The following MAX variants were observed in gnomAD, a reference collection of about 807,000 sequenced individuals.
The protein encoded by MAX is protein max.
Under a neutral mutation model 22.3 loss-of-function variants are expected in MAX, and 3 were observed. That is an observed-to-expected ratio of 0.13 (90% CI 0.06 to 0.35). The LOEUF (loss-of-function observed/expected upper bound fraction) is 0.35, where lower values mean the gene tolerates loss of function less well. Ranked by LOEUF, MAX falls within the 10% of genes least tolerant of loss-of-function variation. The pLI, the probability that MAX is intolerant of heterozygous loss-of-function variation, is 1.00. For missense variants in MAX, 119 were observed against 209.4 expected, an observed-to-expected ratio of 0.57 and a Z score of 2.66; for synonymous variants, 72 against 77.7, an observed-to-expected ratio of 0.93 and a Z score of 0.39.
intron 2 of MAX, among the ~76,000 whole-genome samples, chr14:65,095,603 A>C (rs1323532597): frequency 2.0e-5 from 3 of 152,136 alleles, no homozygotes; most frequent in Non-Finnish European, 4.4e-5. Flanking sequence ...ATACCTAAGG[A>C]GCTTAAAGGC....
chr14:65,074,330 T>C (rs1224207759), downstream of MAX, among the ~76,000 whole-genome samples: 3 of 152,242 alleles, frequency 2.0e-5, no homozygotes, highest in African/African-American at 7.2e-5. Context: ...CCAGCATTTT[T>C]CTTTTCCTTA....
chr14:65,010,429 C>G (rs2061665285), intron 3 of MAX, among the ~76,000 whole-genome samples: 1 of 152,220 alleles, frequency 6.6e-6, no homozygotes, highest in South Asian at 2.1e-4. Flanking sequence ...TTGACATCAT[C>G]ACCTGAATGC....
intron 3 of MAX, among the ~76,000 whole-genome samples, chr14:65,052,319 A>G (rs2062634914): frequency 6.6e-6 from 1 of 152,206 alleles, no homozygotes; most frequent in Non-Finnish European, 1.5e-5. Context: ...ATAGAACCAA[A>G]AAGACTGGAA....
At chr14:65,060,573 G>T (rs1322391821) in intron 3 of MAX, among the ~76,000 whole-genome samples, 2 of 125,940 alleles carry the variant, frequency 1.6e-5, no homozygotes, top group East Asian at 2.3e-4. Flanking sequence ...GCGGGCGCCT[G>T]TAGTCCCAGC....
intron 3 of MAX, among the ~76,000 whole-genome samples, chr14:65,068,328 G>A (rs2062952066): frequency 6.6e-6 from 1 of 152,140 alleles, no homozygotes; most frequent in African/African-American, 2.4e-5. Context: ...TCAGCTACTC[G>A]AGAAGCTGAG....
At position 65,077,590 on chromosome 14, in the gene MAX, A is replaced by G; in HGVS notation, c.295+323T>C. ...AGCACATTCCACTCCAAGGACCTCA[A>G]AGCTCTTTTCAGACACCTGATGCCA... is the stretch of plus-strand genomic sequence containing the variant. On this transcript the variant is annotated intron_variant, in intron 4 of 4. Transcript: ENST00000358664. This position sits in a 1 kb window ranked among gnomAD's most constrained non-coding sequence, Gnocchi z 6.3. The G allele has an allele frequency of 1.0e-6, 1 of 988,448 alleles. No homozygotes were observed. The highest frequency in any genetic ancestry group is 2.5e-5 in the East Asian group (1 of 39,952). 61.2% of individuals were successfully genotyped at this position (988,448 alleles called of 1,614,324 possible).
intron 3 of MAX, among the ~76,000 whole-genome samples, chr14:65,049,319 C>T (rs1354098728): frequency 1.3e-5 from 2 of 152,160 alleles, no homozygotes; most frequent in Non-Finnish European, 2.9e-5. Context: ...AATTGAGCTA[C>T]AGATGGCTGC....
chr14:65,092,464 C>T (rs1279931525), intron 3 of MAX, among the ~76,000 whole-genome samples: 9 of 152,176 alleles, frequency 5.9e-5, no homozygotes, highest in African/African-American at 1.9e-4. Flanking sequence ...TTTACTTTGA[C>T]TAAAGGGGTG....
Position 65,075,324 on chromosome 14 carries a change from C to T in MAX, c.*1152G>A, listed in dbSNP as rs144346635. 7 of 1,062,746 alleles carry T rather than the reference C, an allele frequency of 6.6e-6. No individual in the cohort carries two copies. The African/African-American group carries it at 9.8e-5, about 15-fold the overall frequency. 65.8% of individuals were successfully genotyped at this position (1,062,746 alleles called of 1,614,324 possible). On this transcript the variant is annotated 3_prime_UTR_variant, in exon 5 of 5. Transcript: ENST00000358664. This position sits in a 1 kb window ranked among gnomAD's most constrained non-coding sequence, Gnocchi z 4.1. ...TAGGAAAAAGACAAAGAAATGAGGC[C>T]TAAACACACAAAACCCTTCACTGGC...
chr14:65,089,175 T>C (rs1316241693), intron 3 of MAX, among the ~76,000 whole-genome samples: 1 of 152,198 alleles, frequency 6.6e-6, no homozygotes. Flanking sequence ...CTGTTGCTGT[T>C]TTCTTTAATG....
rs1272475423 is a variant in MAX at position 65,012,930 on chromosome 14, C to T, written c.172-6646G>A. 2.0e-5 allele frequency among the ~76,000 whole-genome samples: 3 copies of T among 152,110 alleles called. No individual in the cohort carries two copies. On this transcript the variant is annotated intron_variant, in intron 3 of 3. Coordinates refer to the MAX transcript ENST00000341653. This position sits in a 1 kb window ranked among gnomAD's most constrained non-coding sequence, Gnocchi z 5.0. Reference sequence around the variant, plus strand: ...CTAGAGGACCAGTATAGAGAGTGGTCCTTGCAATTTAACATTACTGTTTAA... The same window carrying T: ...CTAGAGGACCAGTATAGAGAGTGGTTCTTGCAATTTAACATTACTGTTTAA...
At position 65,009,732 on chromosome 14, in the gene MAX, A is replaced by T. The variant is rs146614891; in HGVS notation, c.172-3448T>A. On this transcript the variant is annotated intron_variant, in intron 3 of 3. Coordinates refer to the MAX transcript ENST00000341653. This position sits in a 1 kb window ranked among gnomAD's most constrained non-coding sequence, Gnocchi z 4.2. ...TGATCCAGCTGAACTAAACTAACTC[A>T]AATGTGTCATGGTGTTTTCTTCATT... 1.3e-5 allele frequency among the ~76,000 whole-genome samples: 2 copies of T among 152,160 alleles called. No individual in the cohort carries two copies. The highest frequency in any genetic ancestry group is 3.9e-4 in the East Asian group (2 of 5,174).
rs753655123 is a variant in MAX at position 65,077,583 on chromosome 14, G to A, written c.295+330C>T. ...CTTACACAGCACATTCCACTCCAAG[G>A]ACCTCAAAGCTCTTTTCAGACACCT... On this transcript the variant is annotated intron_variant, in intron 4 of 4. Transcript: ENST00000358664. This position sits in a 1 kb window ranked among gnomAD's most constrained non-coding sequence, Gnocchi z 6.3. 7.4e-6 allele frequency: 7 copies of A among 944,016 alleles called. No homozygotes were observed. The South Asian group carries it at 8.1e-5, about 11-fold the overall frequency. 58.5% of individuals were successfully genotyped at this position (944,016 alleles called of 1,614,324 possible).
intron 3 of MAX, among the ~76,000 whole-genome samples, chr14:65,048,475 G>A (rs559766935): frequency 4.6e-5 from 7 of 152,338 alleles, no homozygotes; most frequent in African/African-American, 1.7e-4. Context: ...CCCTGACCCA[G>A]CAAGTGACCA....
rs754684431 is a variant in MAX at position 65,101,569 on chromosome 14, C to G, written c.40G>C (p.Glu14Gln). Residue 14 changes from glutamate (E) to glutamine (Q), a missense_variant, in exon 2 of 5, where the codon GAG becomes CAG. Around this residue, in one of 3 missense-constraint regions of MAX, gnomAD observed 24 missense variants for 42.7 expected, o/e 0.56. Transcript: ENST00000358664. The stretch of plus-strand genomic sequence containing the variant: ...ACCGCAGATTGAAACCTCGGTTGCT[C>G]TTCCTGGAATAAGAGAGAAAAAAAA... ...NDDIEVESDE[E>Q]QPRFQSAADK... 1.9e-6 allele frequency: 3 copies of G among 1,603,676 alleles called. No individual in the cohort carries two copies. Among genetic ancestry groups the G allele is most frequent in the Non-Finnish European group, 1.7e-6 (2 of 1,171,728 alleles).
intron 3 of MAX, among the ~76,000 whole-genome samples, chr14:65,040,501 T>C (rs1004265172): frequency 1.1e-4 from 16 of 151,774 alleles, no homozygotes; most frequent in African/African-American, 3.9e-4. Context: ...AGCACAATGG[T>C]GTGATCATAG....
In MAX at chr14:65,012,059, C is replaced by G. The variant is rs77280561; in HGVS notation, c.172-5775G>C. 1.3e-3 allele frequency: 519 copies of G among 409,028 alleles called. 3 individuals are homozygous for G. Among genetic ancestry groups the G allele is most frequent in the African/African-American group, 9.6e-3 (478 of 49,708 alleles). The allele number at this position is 409,028 out of a possible 1,614,324, so 25.3% of individuals were successfully genotyped here. ...TGCGGCTTTTCCGTTAGCCCAAAGT[C>G]ACTGCCTTTAGGAGACAATCGCACT... On this transcript the variant is annotated intron_variant, in intron 3 of 3. Transcript: ENST00000341653. The surrounding 1 kb of genome is among the most constrained non-coding windows in gnomAD (Gnocchi z 5.0).
intron 3 of MAX, among the ~76,000 whole-genome samples, chr14:65,059,843 T>C (rs576241243): frequency 3.4e-4 from 51 of 150,250 alleles, no homozygotes; most frequent in African/African-American, 1.1e-3. Context: ...TTTTCTTTTT[T>C]TTTTTTTTTT....
intron 3 of MAX, among the ~76,000 whole-genome samples, chr14:65,059,296 A>G (rs2062809723): frequency 6.6e-6 from 1 of 150,856 alleles, no homozygotes; most frequent in South Asian, 2.1e-4. Flanking sequence ...CTGGGATTAT[A>G]GGTGTGAGCC....
Sources: gnomAD v4.1 joint callset for allele counts (sites outside exome capture counted in the v4.1 genomes callset) on GRCh38, gnomAD v4.1.1 for gene constraint, gnomAD v4.1.1 regional missense constraint, Gnocchi (gnomAD v3.1) non-coding constraint, MANE v1.5 for transcripts, NCBI Gene and HGNC (gene_info 2026-07-23, HGNC 2026-07-21) for gene names.